TESMIN: variants seen among roughly 807,000 people sequenced by gnomAD.
TESMIN encodes CXC domain containing 2.
TESMIN carries 34 observed loss-of-function variants against 47.4 expected under a neutral mutation model. The observed-to-expected ratio is 0.72, with a 90% CI of 0.55 to 0.96. The LOEUF (loss-of-function observed/expected upper bound fraction) is 0.96, where lower values mean the gene tolerates loss of function less well. Ranked by LOEUF, TESMIN falls within the 40% of genes least tolerant of loss-of-function variation. TESMIN has a pLI of 0.00. For missense variants in TESMIN, 610 were observed against 637.2 expected (o/e 0.96, Z 0.46); for synonymous variants, 278 against 258.9 (o/e 1.07, Z -0.71).
intron 6 of TESMIN, among the ~76,000 whole-genome samples, chr11:68,724,645 C>T (rs1456191840): frequency 6.6e-6 from 1 of 152,182 alleles, no homozygotes. Context: ...TTTCTCTTCC[C>T]CAGTGTCTGG....
intron 6 of TESMIN, among the ~76,000 whole-genome samples, chr11:68,720,386 T>G (rs1264596683): frequency 1.3e-5 from 2 of 152,158 alleles, no homozygotes; most frequent in Admixed American, 6.5e-5. Flanking sequence ...CTCTTATCAT[T>G]CCTCATCTCC....
At chr11:68,720,307 A>C (rs796530306) in intron 6 of TESMIN, among the ~76,000 whole-genome samples, 7 of 152,096 alleles carry the variant, frequency 4.6e-5, no homozygotes, top group African/African-American at 1.7e-4. Flanking sequence ...TCTCTCCCAC[A>C]CTCCAGACCC....
chr11:68,738,959 G>A (rs1194114067), intron 5 of TESMIN, among the ~76,000 whole-genome samples, 171 bp from the exon 6 acceptor site: 2 of 120,150 alleles, frequency 1.7e-5, no homozygotes, highest in African/African-American at 6.6e-5. Flanking sequence ...ACATTCGGAA[G>A]GTCTAGTGCT....
chr11:68,743,021 G>C (rs1378919767), intron 4 of TESMIN, among the ~76,000 whole-genome samples: 1 of 151,970 alleles, frequency 6.6e-6, no homozygotes, highest in African/African-American at 2.4e-5. Context: ...GAGACTACAG[G>C]CCTGTGCCAC....
intron 7 of TESMIN, 135 bp from the exon 8 acceptor site, chr11:68,713,542 G>T: frequency 1.1e-6 from 1 of 909,936 alleles, no homozygotes; most frequent in Non-Finnish European, 1.6e-6. Context: ...GGTTCAGAAG[G>T]TGCAGCCCCT....
intron 5 of TESMIN, 103 bp downstream of exon 5, chr11:68,742,215 T>C: frequency 1.3e-6 from 1 of 751,194 alleles, no homozygotes. Flanking sequence ...GACTTTTAAA[T>C]GGAAAATAAA....
chr11:68,706,642 C>CAAATATTGGGT, downstream of TESMIN, among the ~76,000 whole-genome samples: 1 of 152,182 alleles, frequency 6.6e-6, no homozygotes, highest in Non-Finnish European at 1.5e-5. Flanking sequence ...GTACAAGACA[C>CAAATATTGGGT]CCTGCATTTC....
intron 6 of TESMIN, among the ~76,000 whole-genome samples, chr11:68,731,368 C>T (rs1946324876): frequency 1.3e-5 from 2 of 151,736 alleles, no homozygotes; most frequent in Admixed American, 6.6e-5. Flanking sequence ...GTCAAGGCTG[C>T]AGTAAGCTAC....
chr11:68,738,072 G>T (rs1946408986), intron 6 of TESMIN: 2 of 985,600 alleles, frequency 2.0e-6, no homozygotes, highest in Non-Finnish European at 2.4e-6. Flanking sequence ...ATGTTAACCT[G>T]ATAATTTCAA....
At chr11:68,729,360 C>A in intron 6 of TESMIN, among the ~76,000 whole-genome samples, 1 of 75,468 alleles carries the variant, frequency 1.3e-5, no homozygotes, top group East Asian at 7.3e-4. Flanking sequence ...CCTGTCTCTA[C>A]TAAAAATACA....
At chr11:68,738,256 A>T in intron 6 of TESMIN, 1 of 997,446 alleles carries the variant, frequency 1.0e-6, no homozygotes, top group Non-Finnish European at 1.2e-6. Flanking sequence ...ATAGAGCTCG[A>T]GCCAACTCAG....
chr11:68,709,077 A>G (rs1946031710), intron 9 of TESMIN, among the ~76,000 whole-genome samples: 1 of 88,870 alleles, frequency 1.1e-5, no homozygotes, highest in Non-Finnish European at 2.5e-5. Context: ...AAAAAAAAAA[A>G]AGAAAGAAAA....
chr11:68,747,515 C>T (rs754555242), intron 2 of TESMIN, 149 bp from the exon 3 acceptor site: 6 of 726,796 alleles, frequency 8.3e-6, no homozygotes, highest in African/African-American at 3.5e-5. Context: ...TCCCAGCTAC[C>T]GGAGAGGTTG....
chr11:68,738,670 G>A (rs369040416), intron 6 of TESMIN, 30 bp downstream of exon 6: 2 of 1,612,374 alleles, frequency 1.2e-6, no homozygotes, highest in African/African-American at 2.7e-5. Context: ...TATTACATTA[G>A]AGTGACAATG....
At chr11:68,709,282 T>G (rs1376526497) in intron 9 of TESMIN, among the ~76,000 whole-genome samples, 1 of 152,188 alleles carries the variant, frequency 6.6e-6, no homozygotes, top group Non-Finnish European at 1.5e-5. Context: ...GACTCTTGGC[T>G]GAGGCAGGGC....
At chr11:68,738,245 C>T (rs1390705008) in intron 6 of TESMIN, 2 of 995,470 alleles carry the variant, frequency 2.0e-6, no homozygotes, top group Non-Finnish European at 1.2e-6. Context: ...TAGCACCTGC[C>T]ATAGAGCTCG....
chr11:68,722,687 C>T (rs895816344), intron 6 of TESMIN, among the ~76,000 whole-genome samples: 9 of 152,150 alleles, frequency 5.9e-5, no homozygotes, highest in Non-Finnish European at 1.5e-5. Context: ...AAAACTGCCA[C>T]ACAGAAAGTG....
intron 6 of TESMIN, 42 bp downstream of exon 6, chr11:68,738,658 A>T (rs764125997): frequency 6.2e-7 from 1 of 1,610,384 alleles, no homozygotes; most frequent in South Asian, 1.1e-5. Context: ...AGTCTCTTAA[A>T]TTATTACATT....
chr11:68,720,689 C>A (rs1035500960), intron 6 of TESMIN, among the ~76,000 whole-genome samples: 4 of 152,214 alleles, frequency 2.6e-5, no homozygotes, highest in Non-Finnish European at 4.4e-5. Context: ...AGTAACACAG[C>A]CCCTGTGTTG....
Sources: allele counts gnomAD v4.1 joint callset (sites outside exome capture counted in the v4.1 genomes callset), GRCh38; gene constraint gnomAD v4.1.1; transcripts MANE v1.5; gene names NCBI Gene and HGNC (gene_info 2026-07-23, HGNC 2026-07-21).